XXYLT1: variants seen among roughly 807,000 people sequenced by gnomAD.
XXYLT1 encodes the protein UDP-xylose:alpha-xyloside alpha-1,3-xylosyltransferase.
Under a neutral mutation model 28.9 loss-of-function variants are expected in XXYLT1, and 20 were observed. The ratio of observed to expected loss-of-function variants is 0.69; its 90% CI spans 0.49 to 1.00. The LOEUF is 1.00. Among genes scored for constraint, XXYLT1 ranks in the 50% least tolerant of loss-of-function variants. The pLI is 0.00. For missense variants in XXYLT1, 542 were observed against 560.1 expected, an observed-to-expected ratio of 0.97 and a Z score of 0.33; for synonymous variants, 257 against 253.8, an observed-to-expected ratio of 1.01 and a Z score of -0.12.
chr3:195,121,272 T>C (rs913729423), intron 3 of XXYLT1, among the ~76,000 whole-genome samples: 1 of 152,172 alleles, frequency 6.6e-6, no homozygotes, highest in South Asian at 2.1e-4. Flanking sequence ...CAGGTAGAAA[T>C]TCAGCCAAGG....
intron 2 of XXYLT1, among the ~76,000 whole-genome samples, chr3:195,160,013 T>A (rs1330383731): frequency 6.6e-6 from 1 of 152,054 alleles, no homozygotes; most frequent in Non-Finnish European, 1.5e-5. Flanking sequence ...GCCACAAGCA[T>A]GTCATCTGAC....
In XXYLT1 at chr3:195,150,828, A is replaced by T. The variant is rs1720174511; in HGVS notation, c.785+5621T>A. On this transcript the variant is annotated intron_variant, in intron 3 of 3. Transcript: ENST00000310380. This position sits in a 1 kb window ranked among gnomAD's most constrained non-coding sequence, Gnocchi z 4.7. The stretch of plus-strand genomic sequence containing the variant: ...CACACTCACATACACACACACTCAC[A>T]CATACGCACACTCTCTCACACACTC... 7.1e-6 allele frequency among the ~76,000 whole-genome samples: 1 copy of T among 140,012 alleles called. No individual in the cohort carries two copies. Among genetic ancestry groups the T allele is most frequent in the Admixed American group, 7.1e-5 (1 of 14,160 alleles). 91.9% of individuals were successfully genotyped at this position (140,012 alleles called of 152,430 possible).
intron 2 of XXYLT1, among the ~76,000 whole-genome samples, chr3:195,161,564 GGAA>G (rs774811388): frequency 1.6e-4 from 25 of 151,668 alleles, no homozygotes; most frequent in Non-Finnish European, 3.2e-4. Context: ...AGAAACTTCT[GGAA>G]GAAAGGGTTT....
chr3:195,110,847 T>TAA (rs1289252986), intron 3 of XXYLT1, among the ~76,000 whole-genome samples: 5 of 146,480 alleles, frequency 3.4e-5, no homozygotes, highest in Admixed American at 2.0e-4. Flanking sequence ...GTGTGTTGTG[T>TAA]GTGTTGTATA....
chr3:195,248,905 G>A (rs889559297), intron 1 of XXYLT1, among the ~76,000 whole-genome samples: 17 of 152,208 alleles, frequency 1.1e-4, no homozygotes, highest in Non-Finnish European at 2.5e-4. Context: ...GGGGGACAGA[G>A]TGAGACTCTG....
Position 195,223,655 on chromosome 3 carries a change from CAG to C in XXYLT1, c.652+3052_652+3053del, listed in dbSNP as rs1723924442. On this transcript the variant is annotated intron_variant, in intron 2 of 3. Transcript: ENST00000310380. ...AGACAGCACGAATGATGTCTGAAAA[CAG>C]AGTGTCCTTCCAAAAACTGCAGGAA... Among the ~76,000 whole-genome samples the C allele has an allele frequency of 2.6e-5, 4 of 152,272 alleles. No homozygotes were observed. The South Asian group carries it at 6.2e-4, about 24-fold the overall frequency.
At chr3:195,226,476 A>AC (rs1221286624) in intron 2 of XXYLT1, among the ~76,000 whole-genome samples, 3 of 151,574 alleles carry the variant, frequency 2.0e-5, no homozygotes, top group Non-Finnish European at 2.9e-5. Context: ...GAGCCCAGAG[A>AC]CCCCCTGTGT....
chr3:195,244,718 C>T (rs148941231), intron 1 of XXYLT1, among the ~76,000 whole-genome samples: 2,267 of 135,210 alleles, frequency 0.017, 60 homozygotes, highest in African/African-American at 0.059. Flanking sequence ...GCCAAGATCA[C>T]ACCACTGCAC....
At chr3:195,203,631 A>G (rs1259263915) in intron 2 of XXYLT1, among the ~76,000 whole-genome samples, 1 of 152,210 alleles carries the variant, frequency 6.6e-6, no homozygotes, top group African/African-American at 2.4e-5. Context: ...GTAAGGAGCA[A>G]ATGGCCTGAC....
chr3:195,266,419 G>A lies in XXYLT1; in HGVS notation c.504+4136C>T, dbSNP rs182774972. On this transcript the variant is annotated intron_variant, in intron 1 of 3. Coordinates refer to ENST00000310380, the MANE Select transcript of XXYLT1 (RefSeq NM_152531.5). ...TGAGACAGGAGAATCGCTTGAACCC[G>A]GGAGGCAGAGGTTGCAGTGAGCCGA... Among the ~76,000 whole-genome samples, 272 of 152,058 alleles carry A rather than the reference G, an allele frequency of 1.8e-3. 1 individual carries two copies. Among genetic ancestry groups the A allele is most frequent in the African/African-American group, 5.0e-3 (208 of 41,460 alleles).
rs113041067 is a variant in XXYLT1 at position 195,244,031 on chromosome 3, C to T, written c.505-17175G>A. On this transcript the variant is annotated intron_variant, in intron 1 of 3. Transcript: ENST00000310380. Reference sequence around the variant, plus strand: ...TCCCCACGCTGTCCTCACTGCACGACGTCCAATCGTTACCTCCTCACCCTC... The same window carrying T: ...TCCCCACGCTGTCCTCACTGCACGATGTCCAATCGTTACCTCCTCACCCTC... Among the ~76,000 whole-genome samples, 33 of 152,328 alleles carry T rather than the reference C, an allele frequency of 2.2e-4. 1 individual carries two copies. Among genetic ancestry groups the T allele is most frequent in the Admixed American group, 5.9e-4 (9 of 15,294 alleles).
intron 3 of XXYLT1, among the ~76,000 whole-genome samples, chr3:195,143,213 T>A (rs1719583201): frequency 1.3e-5 from 2 of 152,186 alleles, no homozygotes; most frequent in African/African-American, 4.8e-5. Flanking sequence ...GGAGTGCCCC[T>A]AAACAAAACT....
At position 195,144,430 on chromosome 3, in the gene XXYLT1, G is replaced by C. The variant is rs547484490; in HGVS notation, c.785+12019C>G. Among the ~76,000 whole-genome samples, 23 of 152,090 alleles carry C rather than the reference G, an allele frequency of 1.5e-4. No homozygotes were observed. The East Asian group carries it at 4.5e-3, about 30-fold the overall frequency. On this transcript the variant is annotated intron_variant, in intron 3 of 3. Transcript: ENST00000310380. ...CTTGCCCTATCGCCCAGGCTGGAAT[G>C]CAATGGTGCAATCTCGGCTCACTGC...
At chr3:195,205,127 A>G (rs921808567) in intron 2 of XXYLT1, among the ~76,000 whole-genome samples, 4 of 152,204 alleles carry the variant, frequency 2.6e-5, no homozygotes, top group Non-Finnish European at 4.4e-5. Flanking sequence ...AAGTCTGCCA[A>G]TTTTTTATAA....
intron 1 of XXYLT1, chr3:195,270,280 C>T: frequency 1.5e-6 from 1 of 681,030 alleles, no homozygotes; most frequent in Non-Finnish European, 2.3e-6. Context: ...TGGGGGCGCG[C>T]GGACTCTCCT....
At chr3:195,223,043 G>T (rs1367161948) in intron 2 of XXYLT1, among the ~76,000 whole-genome samples, 2 of 151,566 alleles carry the variant, frequency 1.3e-5, no homozygotes, top group African/African-American at 4.9e-5. Flanking sequence ...GGCCAATATG[G>T]TGAAACCCCA....
At chr3:195,266,783 C>T (rs920964983) in intron 1 of XXYLT1, among the ~76,000 whole-genome samples, 27 of 152,250 alleles carry the variant, frequency 1.8e-4, no homozygotes, top group Non-Finnish European at 3.5e-4. Flanking sequence ...ACTTCCAGGC[C>T]CCACCCAGGA....
chr3:195,083,575 C>T (rs920599529), intron 3 of XXYLT1, among the ~76,000 whole-genome samples: 2 of 152,168 alleles, frequency 1.3e-5, no homozygotes, highest in African/African-American at 2.4e-5. Flanking sequence ...TATGGACAAG[C>T]ACCATGCCCA....
intron 3 of XXYLT1, among the ~76,000 whole-genome samples, chr3:195,136,679 C>G (rs1719218155): frequency 6.6e-6 from 1 of 152,184 alleles, no homozygotes; most frequent in African/African-American, 2.4e-5. Context: ...ACCGTTCAAG[C>G]ACACAGGACG....
Sources: allele counts gnomAD v4.1 joint callset (sites outside exome capture counted in the v4.1 genomes callset), GRCh38; gene constraint gnomAD v4.1.1; non-coding constraint Gnocchi (gnomAD v3.1); transcripts MANE v1.5; gene names NCBI Gene and HGNC (gene_info 2026-07-23, HGNC 2026-07-21).